Variants in AGTPBP1 observed in about 807,000 individuals in gnomAD.
AGTPBP1 encodes ATP/GTP binding carboxypeptidase 1.
A neutral mutation model predicts 143.9 loss-of-function variants in AGTPBP1; 70 were observed. The ratio of observed to expected loss-of-function variants is 0.49; its 90% CI spans 0.40 to 0.59. AGTPBP1 has a LOEUF of 0.59. Among genes scored for constraint, AGTPBP1 ranks in the 20% least tolerant of loss-of-function variants. The pLI is 0.00. For synonymous variants in AGTPBP1, 463 were observed against 500.2 expected (o/e 0.93, Z 0.99); for missense variants, 1,229 against 1,464.5 (o/e 0.84, Z 2.62).
At chr9:85,697,142 G>T (rs903759600) in intron 2 of AGTPBP1, among the ~76,000 whole-genome samples, 5 of 152,054 alleles carry the variant, frequency 3.3e-5, no homozygotes, top group Admixed American at 1.3e-4. Flanking sequence ...TGTGAACCCA[G>T]ATATGTCTTC....
At chr9:85,673,950 C>G (rs548934863) in intron 6 of AGTPBP1, among the ~76,000 whole-genome samples, 1 of 150,896 alleles carries the variant, frequency 6.6e-6, no homozygotes, top group East Asian at 1.9e-4. Flanking sequence ...GAAACCCCGT[C>G]TCTATTAAAA....
the AGTPBP1 span, among the ~76,000 whole-genome samples, chr9:85,796,768 C>T: frequency 1.3e-5 from 2 of 152,304 alleles, no homozygotes; most frequent in South Asian, 2.1e-4. Flanking sequence ...TATACATCTA[C>T]TGTGTATGCA....
At chr9:85,733,674 T>C (rs934121874) in intron 1 of AGTPBP1, among the ~76,000 whole-genome samples, 5 of 152,008 alleles carry the variant, frequency 3.3e-5, no homozygotes, top group African/African-American at 1.2e-4. Flanking sequence ...AAACCAAAAG[T>C]TGGTGCTTTG....
intron 2 of AGTPBP1, among the ~76,000 whole-genome samples, chr9:85,699,972 A>G (rs1429860816): frequency 6.6e-6 from 1 of 152,218 alleles, no homozygotes; most frequent in African/African-American, 2.4e-5. Flanking sequence ...GAAGAGCGGC[A>G]GTGTTTTACA....
chr9:85,789,349 A>C, the AGTPBP1 span, among the ~76,000 whole-genome samples: 2 of 152,042 alleles, frequency 1.3e-5, no homozygotes, highest in Non-Finnish European at 2.9e-5. Flanking sequence ...ATACTAAATG[A>C]TTTTACTTTT....
the AGTPBP1 span, among the ~76,000 whole-genome samples, chr9:85,772,929 A>T: frequency 6.6e-6 from 1 of 152,170 alleles, no homozygotes; most frequent in African/African-American, 2.4e-5. Flanking sequence ...ATTACATTTA[A>T]GAAATTATGG....
At chr9:85,581,316 T>C (rs1245126424) in intron 23 of AGTPBP1, among the ~76,000 whole-genome samples, 1 of 152,194 alleles carries the variant, frequency 6.6e-6, no homozygotes, top group Non-Finnish European at 1.5e-5. Context: ...AGGCACACCA[T>C]ATTTTGGCCA....
intron 1 of AGTPBP1, among the ~76,000 whole-genome samples, chr9:85,726,619 A>G (rs1160257143): frequency 2.0e-5 from 3 of 152,264 alleles, no homozygotes; most frequent in Non-Finnish European, 4.4e-5. Context: ...GGATGTATAC[A>G]TGGGCTGTAC....
chr9:85,719,746 A>T (rs923919130), intron 1 of AGTPBP1, among the ~76,000 whole-genome samples: 2 of 152,200 alleles, frequency 1.3e-5, no homozygotes, highest in African/African-American at 4.8e-5. Context: ...GCCAGTTTTC[A>T]AAGGGAATGC....
chr9:85,754,197 T>G, the AGTPBP1 span, among the ~76,000 whole-genome samples: 2 of 152,172 alleles, frequency 1.3e-5, no homozygotes, highest in Non-Finnish European at 2.9e-5. Flanking sequence ...GACGAGTATA[T>G]TTTATTTTGT....
At chr9:85,666,946 AATC>A (rs1834170339) in intron 8 of AGTPBP1, among the ~76,000 whole-genome samples, 2 of 152,144 alleles carry the variant, frequency 1.3e-5, no homozygotes, top group Non-Finnish European at 2.9e-5. Context: ...TAATTACAGG[AATC>A]ATATCATTAC....
In AGTPBP1 at chr9:85,698,679, C is replaced by CTTTT. The variant is rs34248388; in HGVS notation, c.33-5870_33-5867dup. Among the ~76,000 whole-genome samples, 722 of 76,592 alleles carry CTTTT rather than the reference C, an allele frequency of 9.4e-3. 60 individuals are homozygous for CTTTT. Among genetic ancestry groups the CTTTT allele is most frequent in the African/African-American group, 0.027 (473 of 17,398 alleles). The allele number at this position is 76,592 out of a possible 152,430, so 50.2% of individuals were successfully genotyped here. ...GGAAATGTATCTTCCCCACCTAACC[C>CTTTT]TTTTTTTTTTTTTTTTTTTTTTTTT... On this transcript the variant is annotated intron_variant, in intron 2 of 25. Transcript: ENST00000357081.
intron 17 of AGTPBP1, among the ~76,000 whole-genome samples, chr9:85,599,170 A>AGAGAGG (rs1426740084): frequency 7.0e-6 from 1 of 143,066 alleles, no homozygotes; most frequent in Non-Finnish European, 1.5e-5. Flanking sequence ...GGAGCAGGTG[A>AGAGAGG]GAGAGGGAGA....
chr9:85,549,518 C>G (rs901093508), intron 25 of AGTPBP1, among the ~76,000 whole-genome samples: 1 of 152,082 alleles, frequency 6.6e-6, no homozygotes. Flanking sequence ...ATCTCATTCT[C>G]CATGGGAAAC....
At chr9:85,804,221 C>T in the AGTPBP1 span, among the ~76,000 whole-genome samples, 12 of 152,084 alleles carry the variant, frequency 7.9e-5, no homozygotes, top group African/African-American at 2.4e-4. Context: ...TATCTTAGGC[C>T]CCATACTCCT....
rs1834557381 is a variant in AGTPBP1, at chr9:85,672,638, A to T, written c.480T>A (p.Asn160Lys). Residue 160 changes from asparagine to lysine, a missense_variant, in exon 7 of 26, where the codon AAT (asparagine) becomes AAA (lysine). Coordinates refer to ENST00000357081, the MANE Select transcript of AGTPBP1 (RefSeq NM_001330701.2). ...GVKARINGAL[N>K]ITLNLVKQNL... ...TCTGCTTGACCAAATTCAGGGTTATATTCAGAGCCCCATTAATTCTAGCCT... is the reference window on the plus strand; with the variant it reads ...TCTGCTTGACCAAATTCAGGGTTATTTTCAGAGCCCCATTAATTCTAGCCT... The T allele has an allele frequency of 6.2e-7, 1 of 1,612,832 alleles. No homozygotes were observed. The highest frequency in any genetic ancestry group is 1.3e-5 in the African/African-American group (1 of 74,764).
At chr9:85,770,699 G>A in the AGTPBP1 span, among the ~76,000 whole-genome samples, 1 of 152,142 alleles carries the variant, frequency 6.6e-6, no homozygotes, top group African/African-American at 2.4e-5. Flanking sequence ...ACTTTGTGAG[G>A]TTCTTAAAGT....
chr9:85,629,579 A>G (rs1831525142), intron 14 of AGTPBP1, among the ~76,000 whole-genome samples: 1 of 152,222 alleles, frequency 6.6e-6, no homozygotes, highest in Non-Finnish European at 1.5e-5. Context: ...GACAGAGGTC[A>G]CCAGAGCTAA....
chr9:85,638,093 G>A (rs565266890), intron 13 of AGTPBP1, among the ~76,000 whole-genome samples: 2 of 150,604 alleles, frequency 1.3e-5, no homozygotes, highest in Non-Finnish European at 2.9e-5. Context: ...CCCACTTGAC[G>A]TTACTGCTTT....
Sources: allele counts gnomAD v4.1 joint callset (sites outside exome capture counted in the v4.1 genomes callset), GRCh38; gene constraint gnomAD v4.1.1; transcripts MANE v1.5; gene names NCBI Gene and HGNC (gene_info 2026-07-23, HGNC 2026-07-21).